Variants in DIMT1 observed in about 807,000 individuals in gnomAD.
The protein encoded by DIMT1 is dimethyladenosine transferase.
A neutral mutation model predicts 43.2 loss-of-function variants in DIMT1; 36 were observed. That is an observed-to-expected ratio of 0.83 (90% CI 0.64 to 1.10). The LOEUF (loss-of-function observed/expected upper bound fraction) is 1.10. DIMT1 is among the 50% of genes least tolerant of loss of function. The pLI, the probability that DIMT1 is intolerant of heterozygous loss-of-function variation, is 0.00. For missense variants in DIMT1, 341 were observed against 385.3 expected (o/e 0.88, Z 0.96); for synonymous variants, 126 against 130.3 (o/e 0.97, Z 0.22).
chr5:62,400,355 C>T (rs153872), intron 3 of DIMT1, among the ~76,000 whole-genome samples: 35,664 of 151,648 alleles, frequency 0.24, 4,305 homozygotes, highest in Middle Eastern at 0.29. Context: ...TCATGGGATC[C>T]TCCCACCTCA....
At chr5:62,392,722 G>A (rs1278070465) in intron 9 of DIMT1, 1 of 443,892 alleles carries the variant, frequency 2.3e-6, no homozygotes, top group Admixed American at 4.1e-5. Flanking sequence ...GCCAAAAAAT[G>A]TGATCTGACT....
chr5:62,388,864 A>G lies in DIMT1; in HGVS notation c.*146T>C. ...CTTTCCAACTTTAAAATTCAGAATC[A>G]TAAATGGTGACAACAGTAGTAGTAT... On this transcript the variant is annotated 3_prime_UTR_variant, in exon 12 of 12. Transcript: ENST00000199320. The G allele has an allele frequency of 1.4e-6, 1 of 713,398 alleles. No homozygotes were observed. 44.2% of individuals were successfully genotyped at this position (713,398 alleles called of 1,614,324 possible).
rs1397127247 is a variant in DIMT1, at chr5:62,388,722, C to T, written c.*288G>A. ...TAAATAGAAGAGTAACATCTTTATA[C>T]AATAAACTGTTAGAAATGATAAGTG... On this transcript the variant is annotated 3_prime_UTR_variant, in exon 12 of 12. Coordinates refer to ENST00000199320, the MANE Select transcript of DIMT1 (RefSeq NM_014473.4). 2.6e-5 allele frequency: 10 copies of T among 388,896 alleles called. No individual in the cohort carries two copies. The highest frequency in any genetic ancestry group is 3.7e-5 in the Non-Finnish European group (8 of 214,808). 24.1% of individuals were successfully genotyped at this position (388,896 alleles called of 1,614,324 possible). A position where few individuals can be genotyped will look rare whatever the true frequency, so the allele number is the denominator to read the frequency against.
chr5:62,388,575 CGGGGAATGTGAATAACACGAAATGGTAT>C lies in DIMT1; in HGVS notation c.*407_*434del. 6.3e-6 allele frequency: 1 copy of C among 158,982 alleles called. No homozygotes were observed. The highest frequency in any genetic ancestry group is 1.8e-4 in the South Asian group (1 of 5,410). The allele number at this position is 158,982 out of a possible 1,614,324, so 9.8% of individuals were successfully genotyped here. A position where few individuals can be genotyped will look rare whatever the true frequency, so the allele number is the denominator to read the frequency against. On this transcript the variant is annotated 3_prime_UTR_variant, in exon 12 of 12. Coordinates refer to ENST00000199320, the MANE Select transcript of DIMT1 (RefSeq NM_014473.4). ...TACATGTGAATAACAAGAAATGGTACGGGGAATGTGAATAACACGAAATGGTATGGGGAATGTGTGACTAGTGAAGCAT... is the reference window on the plus strand; with the variant it reads ...TACATGTGAATAACAAGAAATGGTACGGGGAATGTGTGACTAGTGAAGCAT...
At chr5:62,393,076 T>G (rs1742363715) in intron 8 of DIMT1, 86 bp from the exon 9 acceptor site, 1 of 819,768 alleles carries the variant, frequency 1.2e-6, no homozygotes. Context: ...TCTTTTAATA[T>G]ATACAATTGA....
At position 62,394,042 on chromosome 5, in the gene DIMT1, T is replaced by C; in HGVS notation, c.576A>G (p.Gly192=). Residue 192 remains glycine (G), a synonymous_variant, in exon 8 of 12, where the codon GGA becomes GGG. Coordinates refer to ENST00000199320, the MANE Select transcript of DIMT1 (RefSeq NM_014473.4). ...TGGGCGGTGGTCTGAAGTTATTCTT[T>C]CCCACCTGTTAATGAAAAAGTATTT... is the stretch of plus-strand genomic sequence containing the variant. ...LARVDHLMKV[G]KNNFRPPPKV... is the part of the protein sequence containing the mutation. 2 of 1,610,988 alleles carry C rather than the reference T, an allele frequency of 1.2e-6. No homozygotes were observed. Among genetic ancestry groups the C allele is most frequent in the Non-Finnish European group, 1.7e-6 (2 of 1,179,328 alleles).
rs1300914833 is a variant in DIMT1 at position 62,398,631 on chromosome 5, A to G, written c.396+15T>C. ...GAACAGTTAGTATGATGTTCCTGAA[A>G]ATGTGAGGACATACCTGATAAGGCA... On this transcript the variant is annotated intron_variant, in intron 5 of 11. Coordinates refer to ENST00000199320, the MANE Select transcript of DIMT1 (RefSeq NM_014473.4). The G allele has an allele frequency of 8.1e-6, 13 of 1,614,102 alleles. No homozygotes were observed. Among genetic ancestry groups the G allele is most frequent in the Non-Finnish European group, 1.1e-5 (13 of 1,179,942 alleles).
intron 6 of DIMT1, among the ~76,000 whole-genome samples, chr5:62,394,953 G>C (rs966361217): frequency 6.6e-6 from 1 of 152,052 alleles, no homozygotes; most frequent in Non-Finnish European, 1.5e-5. Flanking sequence ...ACACCTTTAA[G>C]GAAGAGGTGA....
intron 10 of DIMT1, chr5:62,391,722 T>G (rs1742310725): frequency 4.6e-6 from 6 of 1,315,674 alleles, no homozygotes; most frequent in Non-Finnish European, 9.7e-7. Context: ...AGAAATCTGC[T>G]ATTGAGCCAT....
chr5:62,401,428 G>C (rs931123671), intron 3 of DIMT1, among the ~76,000 whole-genome samples: 1 of 141,568 alleles, frequency 7.1e-6, no homozygotes, highest in Non-Finnish European at 1.5e-5. Context: ...CCAGGAGGCA[G>C]AGGTTGCTGT....
rs763556759 is a variant in DIMT1, at chr5:62,403,864, G to A, written c.-92C>T. 10 of 1,364,424 alleles carry A rather than the reference G, an allele frequency of 7.3e-6. No individual in the cohort carries two copies. The highest frequency in any genetic ancestry group is 1.4e-5 in the African/African-American group (1 of 69,042). 84.5% of individuals were successfully genotyped at this position (1,364,424 alleles called of 1,614,324 possible). The stretch of plus-strand genomic sequence containing the variant: ...GCCACCACGTGGGGATCGCCGCCAC[G>A]CGCCGCCCGCACCACTCTGGCCCAA... On this transcript the variant is annotated 5_prime_UTR_variant, in exon 1 of 12. Coordinates refer to ENST00000199320, the MANE Select transcript of DIMT1 (RefSeq NM_014473.4).
intron 3 of DIMT1, among the ~76,000 whole-genome samples, chr5:62,400,857 C>A (rs1286553178): frequency 6.6e-6 from 1 of 152,122 alleles, no homozygotes; most frequent in Non-Finnish European, 1.5e-5. Flanking sequence ...TTCCCAGGCT[C>A]AGGTAAACCT....
At chr5:62,389,167 ACCCAC>A (rs1742175465) in intron 11 of DIMT1, 115 bp from the exon 12 acceptor site, 1 of 862,672 alleles carries the variant, frequency 1.2e-6, no homozygotes, top group Admixed American at 2.8e-5. Context: ...TACAGAGCCC[ACCCAC>A]TCCTAATACT....
intron 3 of DIMT1, among the ~76,000 whole-genome samples, chr5:62,400,361 C>T (rs978334651): frequency 2.6e-5 from 4 of 151,956 alleles, no homozygotes; most frequent in African/African-American, 4.8e-5. Flanking sequence ...GATCCTCCCA[C>T]CTCACCTTCC....
At chr5:62,399,012 T>G in intron 3 of DIMT1, 131 bp from the exon 4 acceptor site, 1 of 788,138 alleles carries the variant, frequency 1.3e-6, no homozygotes, top group Admixed American at 2.7e-5. Flanking sequence ...AATATTCCTT[T>G]AATTATACTC....
Position 62,403,835 on chromosome 5 carries a change from G to T in DIMT1, c.-63C>A, listed in dbSNP as rs973663532. 36 of 1,545,860 alleles carry T rather than the reference G, an allele frequency of 2.3e-5. No individual in the cohort carries two copies. In the Middle Eastern group the frequency reaches 5.1e-4, roughly 22 times the overall value. Reference sequence around the variant, plus strand: ...GGAGGACCAAAGAGGGCTAGCGTGAGAAAGCCACCACGTGGGGATCGCCGC... The same window carrying T: ...GGAGGACCAAAGAGGGCTAGCGTGATAAAGCCACCACGTGGGGATCGCCGC... On this transcript the variant is annotated 5_prime_UTR_variant, in exon 1 of 12. Coordinates refer to ENST00000199320, the MANE Select transcript of DIMT1 (RefSeq NM_014473.4).
rs1337086696 is a variant in DIMT1 at position 62,390,901 on chromosome 5, AACGGGCCCGTTTGTC to A, written c.859_873del (p.Asp287_Arg291del). The stretch of plus-strand genomic sequence containing the variant: ...CTGATGAAGTCATCTATGTCCATGG[AACGGGCCCGTTTGTC>A]ACTAAAACCTGTGCTGGTTAGGATT... On this transcript the variant is annotated inframe_deletion, in exon 11 of 12. Transcript: ENST00000199320. 1.2e-6 allele frequency: 2 copies of A among 1,612,038 alleles called. No homozygotes were observed. The highest frequency in any genetic ancestry group is 3.3e-5 in the Admixed American group (2 of 60,000).
Position 62,394,556 on chromosome 5 carries a change from T to C in DIMT1, c.498A>G (p.Lys166=). The C allele has an allele frequency of 6.2e-7, 1 of 1,614,166 alleles. No homozygotes were observed. The highest frequency in any genetic ancestry group is 8.5e-7 in the Non-Finnish European group (1 of 1,180,034). ...QREFALRLVA[K]PGDKLYCRLS... is the part of the protein sequence containing the mutation. ...GTCTGCAGTATAACTTATCTCCAGGTTTTGCAACCAGTCGGAGGGCAAATT... is the reference window on the plus strand; with the variant it reads ...GTCTGCAGTATAACTTATCTCCAGGCTTTGCAACCAGTCGGAGGGCAAATT... The change falls in exon 7 of 12, where the codon AAA becomes AAG. Residue 166 remains lysine, a synonymous_variant. Transcript: ENST00000199320.
At chr5:62,392,381 A>C in intron 9 of DIMT1, 147 bp from the exon 10 acceptor site, 1 of 650,622 alleles carries the variant, frequency 1.5e-6, no homozygotes, top group Non-Finnish European at 2.6e-6. Flanking sequence ...TGTATGGTGA[A>C]ATTAAGGAAT....
Sources: allele counts gnomAD v4.1 joint callset (sites outside exome capture counted in the v4.1 genomes callset), GRCh38; gene constraint gnomAD v4.1.1; transcripts MANE v1.5; gene names NCBI Gene and HGNC (gene_info 2026-07-23, HGNC 2026-07-21).